PICALM: variants seen among roughly 807,000 people sequenced by gnomAD.
The protein encoded by PICALM is phosphatidylinositol-binding clathrin assembly protein.
In PICALM, 40 loss-of-function variants were observed where a neutral mutation model predicts 80.5. The ratio of observed to expected loss-of-function variants is 0.50; its 90% CI spans 0.39 to 0.65. PICALM has a LOEUF of 0.65. Ranked by LOEUF, PICALM falls within the 30% of genes least tolerant of loss-of-function variation. The pLI, the probability that PICALM is intolerant of heterozygous loss-of-function variation, is 0.00. For synonymous variants in PICALM, 288 were observed against 260.3 expected, an observed-to-expected ratio of 1.11 and a Z score of -1.02; for missense variants, 676 against 778.9, an observed-to-expected ratio of 0.87 and a Z score of 1.57.
chr11:86,055,304 T>C (rs1230016696), intron 1 of PICALM, among the ~76,000 whole-genome samples: 1 of 43,032 alleles, frequency 2.3e-5, no homozygotes, highest in Admixed American at 2.1e-4. Flanking sequence ...CACTCCAGCC[T>C]GGACAAGAGC....
At chr11:86,033,164 C>A (rs2095787955) in intron 1 of PICALM, among the ~76,000 whole-genome samples, 1 of 152,204 alleles carries the variant, frequency 6.6e-6, no homozygotes, top group African/African-American at 2.4e-5. Context: ...CACTTTATAA[C>A]TGGCCTATGG....
chr11:86,050,916 G>C (rs896653643), intron 1 of PICALM, among the ~76,000 whole-genome samples: 2 of 152,010 alleles, frequency 1.3e-5, no homozygotes, highest in African/African-American at 2.4e-5. Context: ...TCAAACTACT[G>C]GCCTCAAGAA....
intron 12 of PICALM, among the ~76,000 whole-genome samples, chr11:85,994,472 T>C (rs932927219): frequency 3.3e-5 from 5 of 152,238 alleles, no homozygotes; most frequent in Admixed American, 1.3e-4. Context: ...GCATCATTTC[T>C]GTGGTGTTTA....
intron 13 of PICALM, among the ~76,000 whole-genome samples, chr11:85,986,863 T>C (rs1228950999): frequency 2.0e-5 from 3 of 152,220 alleles, no homozygotes; most frequent in Non-Finnish European, 2.9e-5. Flanking sequence ...TATCATTACA[T>C]TGTCCTGCTT....
intron 17 of PICALM, 33 bp from the exon 18 acceptor site, chr11:85,976,715 G>GTA (rs2094294680): frequency 7.6e-7 from 1 of 1,318,712 alleles, no homozygotes; most frequent in Non-Finnish European, 1.1e-6. Context: ...GAACAAGAAA[G>GTA]TATAACTCAT....
chr11:86,000,596 G>C, intron 11 of PICALM, 47 bp downstream of exon 11: 1 of 1,509,178 alleles, frequency 6.6e-7, no homozygotes, highest in Non-Finnish European at 9.0e-7. Flanking sequence ...TCTATTAGAA[G>C]TCTTTGAACC....
chr11:86,022,019 G>A (rs574418077), intron 4 of PICALM, among the ~76,000 whole-genome samples: 5 of 152,198 alleles, frequency 3.3e-5, no homozygotes, highest in African/African-American at 1.2e-4. Flanking sequence ...AGGGGAAGAG[G>A]GAATAGGAAA....
intron 11 of PICALM, among the ~76,000 whole-genome samples, chr11:85,998,840 G>C (rs1342647297): frequency 6.6e-6 from 1 of 152,150 alleles, no homozygotes; most frequent in Non-Finnish European, 1.5e-5. Context: ...GCCCAGGCTA[G>C]CTTGTACGGC....
At position 86,000,906 on chromosome 11, in the gene PICALM, G is replaced by A. The variant is rs180970000; in HGVS notation, c.1018-127C>T. 4.5e-3 allele frequency: 6,693 copies of A among 1,473,050 alleles called. 17 individuals are homozygous for A. Among genetic ancestry groups the A allele is most frequent in the South Asian group, 6.1e-3 (469 of 76,592 alleles). 91.2% of individuals were successfully genotyped at this position (1,473,050 alleles called of 1,614,324 possible). ...GTTTTACCTAATTCTATGTCAGGAC[G>A]AAAAGTTAGACTGAGTTTCAGCCCA... On this transcript the variant is annotated intron_variant, in intron 10 of 19. Transcript: ENST00000393346.
intron 12 of PICALM, among the ~76,000 whole-genome samples, chr11:85,994,251 A>AT (rs900115944): frequency 2.6e-5 from 4 of 152,308 alleles, no homozygotes; most frequent in Admixed American, 6.5e-5. Flanking sequence ...CTTCTCAGAT[A>AT]TTAGTATTCA....
intron 12 of PICALM, among the ~76,000 whole-genome samples, 196 bp from the exon 13 acceptor site, chr11:85,990,595 T>C (rs1479290884): frequency 1.3e-5 from 2 of 152,168 alleles, no homozygotes; most frequent in African/African-American, 4.8e-5. Flanking sequence ...TTTAAGTGAA[T>C]CCTTAGAAAA....
At chr11:86,043,263 A>G (rs1244180890) in intron 1 of PICALM, among the ~76,000 whole-genome samples, 1 of 152,174 alleles carries the variant, frequency 6.6e-6, no homozygotes, top group Non-Finnish European at 1.5e-5. Flanking sequence ...AAACACAAAC[A>G]TGCTTCTATT....
chr11:86,050,168 G>C (rs1003864289), intron 1 of PICALM, among the ~76,000 whole-genome samples: 35 of 135,182 alleles, frequency 2.6e-4, no homozygotes, highest in African/African-American at 9.2e-4. Flanking sequence ...TCGCGCCACT[G>C]CACTCCAGCC....
At chr11:85,974,286 G>A (rs1231446338) in intron 19 of PICALM, among the ~76,000 whole-genome samples, 1 of 152,046 alleles carries the variant, frequency 6.6e-6, no homozygotes, top group East Asian at 1.9e-4. Flanking sequence ...AAAACTTTTT[G>A]GAGAGTTGCC....
chr11:86,009,161 C>G (rs1468627667), intron 7 of PICALM, among the ~76,000 whole-genome samples: 1 of 150,486 alleles, frequency 6.6e-6, no homozygotes, highest in Admixed American at 6.6e-5. Flanking sequence ...GGCGTGGTGG[C>G]GGGCACCTGT....
intron 19 of PICALM, among the ~76,000 whole-genome samples, chr11:85,967,651 G>T (rs2093946565): frequency 6.6e-6 from 1 of 152,128 alleles, no homozygotes; most frequent in African/African-American, 2.4e-5. Context: ...AATCCAGCTG[G>T]AGAGATCGGC....
intron 10 of PICALM, 34 bp from the exon 11 acceptor site, chr11:86,000,813 G>A (rs903925553): frequency 6.3e-7 from 1 of 1,596,130 alleles, no homozygotes; most frequent in African/African-American, 1.4e-5. Flanking sequence ...AAGGATTCCA[G>A]AAACCAGATT....
chr11:86,015,384 A>G (rs531741352), intron 4 of PICALM, among the ~76,000 whole-genome samples: 1 of 152,342 alleles, frequency 6.6e-6, no homozygotes, highest in East Asian at 1.9e-4. Context: ...CTGTAGGCCA[A>G]GAGTTAACAA....
intron 17 of PICALM, chr11:85,978,321 G>A (rs1370417526): frequency 2.6e-6 from 1 of 391,942 alleles, no homozygotes; most frequent in Admixed American, 4.3e-5. Context: ...ATAAAAAATA[G>A]TTTATTGATT....
Sources: gnomAD v4.1 joint callset for allele counts (sites outside exome capture counted in the v4.1 genomes callset) on GRCh38, gnomAD v4.1.1 for gene constraint, MANE v1.5 for transcripts, NCBI Gene and HGNC (gene_info 2026-07-23, HGNC 2026-07-21) for gene names.